The following EXOC5 variants were observed in gnomAD, a reference collection of about 807,000 sequenced individuals.
The protein encoded by EXOC5 is SEC10-like 1.
In EXOC5, 17 loss-of-function variants were observed where a neutral mutation model predicts 90.8. The ratio of observed to expected loss-of-function variants is 0.19; its 90% CI spans 0.13 to 0.28. The LOEUF (loss-of-function observed/expected upper bound fraction) is 0.28, where lower values mean the gene tolerates loss of function less well. EXOC5 is among the 10% of genes least tolerant of loss of function. The probability of loss-of-function intolerance (pLI) is 1.00; values close to 1 mark genes in which losing one functional copy is unlikely to be tolerated. For missense variants in EXOC5, 569 were observed against 830.6 expected, an observed-to-expected ratio of 0.69 and a Z score of 3.87; for synonymous variants, 260 against 270.0, an observed-to-expected ratio of 0.96 and a Z score of 0.36.
chr14:57,248,520 TA>T lies in EXOC5; in HGVS notation c.28-809del, dbSNP rs796240156. 1.8e-3 allele frequency among the ~76,000 whole-genome samples: 266 copies of T among 151,384 alleles called. 3 individuals are homozygous for T. The highest frequency in any genetic ancestry group is 4.0e-3 in the African/African-American group (164 of 41,306). Reference sequence around the variant, plus strand: ...AGGATACAAAATCTTTTAATTTTCTTAAAAAAAAATTGTTTAAAAAAGGATA... The same window carrying T: ...AGGATACAAAATCTTTTAATTTTCTTAAAAAAAATTGTTTAAAAAAGGATA... On this transcript the variant is annotated intron_variant, in intron 1 of 17. Transcript: ENST00000621441.
chr14:57,220,312 T>C lies in EXOC5; in HGVS notation c.1406-870A>G, dbSNP rs1287023137. ...GAGAAAAAAACAAAATCAATACATA[T>C]GTAGAAAATATGAATCATTGTTATT... On this transcript the variant is annotated intron_variant, in intron 13 of 17. Coordinates refer to ENST00000621441, the MANE Select transcript of EXOC5 (RefSeq NM_006544.4). Among the ~76,000 whole-genome samples the C allele has an allele frequency of 1.3e-5, 2 of 151,206 alleles. 1 individual carries two copies. Among genetic ancestry groups the C allele is most frequent in the Admixed American group, 1.3e-4 (2 of 15,164 alleles).
rs552812582 is a variant in EXOC5, at chr14:57,265,268, GAATA to G, written c.27+3350_27+3353del. On this transcript the variant is annotated intron_variant, in intron 1 of 17. Transcript: ENST00000621441. ...CTCAACAAATATCTGTAGAATGAATGAATAATTAACCCTAGTTACTAACCAAGAA... is the reference window on the plus strand; with the variant it reads ...CTCAACAAATATCTGTAGAATGAATGATTAACCCTAGTTACTAACCAAGAA... Among the ~76,000 whole-genome samples, 6 of 151,840 alleles carry G rather than the reference GAATA, an allele frequency of 4.0e-5. No homozygotes were observed. The South Asian group carries it at 6.2e-4, about 16-fold the overall frequency.
Position 57,233,882 on chromosome 14 carries a change from C to T in EXOC5, c.716G>A (p.Gly239Asp), listed in dbSNP as rs753219587. 106 of 1,609,778 alleles carry T rather than the reference C, an allele frequency of 6.6e-5. No homozygotes were observed. The highest frequency in any genetic ancestry group is 5.7e-4 in the Admixed American group (34 of 59,882). ...VDVYIKQCQE[G>D]AYLRNDIFED... ...AAATATATCATTTCTCAAATAAGCA[C>T]CCTAAACAGCAGAGACATTTTATAC... Residue 239 changes from glycine to aspartate, a missense_variant and splice_region_variant, in exon 9 of 18, where the codon GGT becomes GAT. Gly to Asp is a moderately conservative substitution (Grantham distance 94). Transcript: ENST00000621441.
At chr14:57,237,215 T>C (rs921795157) in intron 6 of EXOC5, 123 bp downstream of exon 6, 25 of 664,610 alleles carry the variant, frequency 3.8e-5, no homozygotes, top group Non-Finnish European at 6.8e-5. Flanking sequence ...GGATCTTCTA[T>C]GCAGTAGCCT....
rs1882506794 is a variant in EXOC5 at position 57,201,533 on chromosome 14, C to A, written c.*7076G>T. On this transcript the variant is annotated 3_prime_UTR_variant, in exon 18 of 18. Transcript: ENST00000621441. Reference sequence around the variant, plus strand: ...ACATATGTATATATATACACACACACCACACATATACATATATTTTTATAT... The same window carrying A: ...ACATATGTATATATATACACACACAACACACATATACATATATTTTTATAT... 3 of 134,084 alleles carry A rather than the reference C, an allele frequency of 2.2e-5. No individual in the cohort carries two copies. Among genetic ancestry groups the A allele is most frequent in the African/African-American group, 3.3e-5 (1 of 30,464 alleles). The allele number at this position is 134,084 out of a possible 1,614,324, so 8.3% of individuals were successfully genotyped here.
intron 12 of EXOC5, among the ~76,000 whole-genome samples, chr14:57,224,537 AC>A: frequency 6.6e-6 from 1 of 152,344 alleles, no homozygotes; most frequent in Middle Eastern, 3.4e-3. Flanking sequence ...GAAGTGGATA[AC>A]CTGAATTGTT....
chr14:57,250,160 T>C (rs764813378), intron 1 of EXOC5, among the ~76,000 whole-genome samples: 61 of 152,236 alleles, frequency 4.0e-4, no homozygotes, highest in Non-Finnish European at 7.4e-4. Context: ...AGCTAAGTAA[T>C]AAGCCATCTG....
At chr14:57,222,255 T>C in intron 13 of EXOC5, 53 bp downstream of exon 13, 1 of 887,006 alleles carries the variant, frequency 1.1e-6, no homozygotes. Context: ...GCATATAGTT[T>C]AACCAAGCAG....
intron 5 of EXOC5, 58 bp from the exon 6 acceptor site, chr14:57,237,424 T>C (rs1436245062): frequency 7.0e-6 from 8 of 1,136,378 alleles, no homozygotes; most frequent in Non-Finnish European, 1.0e-5. Flanking sequence ...CCTATGGCAA[T>C]GTAAGATGCT....
At chr14:57,224,252 C>G (rs1352401487) in intron 12 of EXOC5, among the ~76,000 whole-genome samples, 3 of 151,232 alleles carry the variant, frequency 2.0e-5, no homozygotes, top group African/African-American at 7.3e-5. Flanking sequence ...GAATACAAAA[C>G]AGAAAAACAA....
chr14:57,264,320 C>G (rs1884605372), intron 1 of EXOC5, among the ~76,000 whole-genome samples: 1 of 152,132 alleles, frequency 6.6e-6, no homozygotes, highest in Admixed American at 6.6e-5. Flanking sequence ...GAACAAGAGA[C>G]ATCATTTTCA....
intron 1 of EXOC5, among the ~76,000 whole-genome samples, chr14:57,254,357 C>T (rs1884283836): frequency 6.6e-6 from 1 of 151,814 alleles, no homozygotes; most frequent in Non-Finnish European, 1.5e-5. Flanking sequence ...ATCACTTGAA[C>T]TCGTGAGGCA....
chr14:57,216,291 A>C (rs959666351), intron 15 of EXOC5, among the ~76,000 whole-genome samples: 8 of 151,864 alleles, frequency 5.3e-5, no homozygotes, highest in Non-Finnish European at 7.4e-5. Context: ...AAAAAAAAAA[A>C]CACTAAAATT....
chr14:57,259,877 C>T (rs193240074), intron 1 of EXOC5, among the ~76,000 whole-genome samples: 11 of 152,238 alleles, frequency 7.2e-5, no homozygotes, highest in Non-Finnish European at 1.3e-4. Flanking sequence ...AGAACAATGC[C>T]GAGCATACCA....
At chr14:57,229,911 AG>A (rs1883429677) in intron 11 of EXOC5, 30 bp from the exon 12 acceptor site, 1 of 1,316,108 alleles carries the variant, frequency 7.6e-7, no homozygotes, top group African/African-American at 1.5e-5. Flanking sequence ...AATGAAAAAA[AG>A]AAAACATTTT....
intron 1 of EXOC5, 40 bp downstream of exon 1, chr14:57,268,582 C>A: frequency 2.5e-6 from 4 of 1,572,682 alleles, no homozygotes; most frequent in Non-Finnish European, 3.4e-6. Context: ...TGCCTGCAAA[C>A]CCCGGGCCTG....
intron 15 of EXOC5, 104 bp downstream of exon 15, chr14:57,217,878 G>T: frequency 3.0e-6 from 2 of 676,186 alleles, no homozygotes; most frequent in Non-Finnish European, 5.3e-6. Flanking sequence ...CAATATGGTG[G>T]AATTAAGATA....
At position 57,201,924 on chromosome 14, in the gene EXOC5, T is replaced by G. The variant is rs1268379018; in HGVS notation, c.*6685A>C. The stretch of plus-strand genomic sequence containing the variant: ...AGGGGGACCTATATATGTCTGTATC[T>G]ATTAATATATATCTACCTCCAAAAT... On this transcript the variant is annotated 3_prime_UTR_variant, in exon 18 of 18. Transcript: ENST00000621441. 6.6e-6 allele frequency: 1 copy of G among 151,978 alleles called. No homozygotes were observed. 9.4% of individuals were successfully genotyped at this position (151,978 alleles called of 1,614,324 possible).
intron 15 of EXOC5, among the ~76,000 whole-genome samples, chr14:57,214,106 A>G (rs1229364553): frequency 1.3e-5 from 2 of 152,164 alleles, no homozygotes; most frequent in Middle Eastern, 3.2e-3. Flanking sequence ...GAGAAAAAAA[A>G]GCACACACAC....
Sources: gnomAD v4.1 joint callset for allele counts (sites outside exome capture counted in the v4.1 genomes callset) on GRCh38, gnomAD v4.1.1 for gene constraint, MANE v1.5 for transcripts, NCBI Gene and HGNC (gene_info 2026-07-23, HGNC 2026-07-21) for gene names.